C8orf34: variants seen among roughly 807,000 people sequenced by gnomAD.
The protein encoded by C8orf34 is uncharacterized protein C8orf34.
A neutral mutation model predicts 68.3 loss-of-function variants in C8orf34; 65 were observed. That is an observed-to-expected ratio of 0.95 (90% CI 0.78 to 1.17). The LOEUF (loss-of-function observed/expected upper bound fraction) is 1.17, where lower values mean the gene tolerates loss of function less well. C8orf34 is among the 50% of genes most tolerant of loss of function. C8orf34 has a pLI of 0.00. For missense variants in C8orf34, 664 were observed against 655.4 expected, an observed-to-expected ratio of 1.01 and a Z score of -0.14; for synonymous variants, 244 against 241.2, an observed-to-expected ratio of 1.01 and a Z score of -0.11.
intron 7 of C8orf34, among the ~76,000 whole-genome samples, chr8:68,562,664 T>C (rs1170464554): frequency 6.6e-6 from 1 of 152,192 alleles, no homozygotes; most frequent in Non-Finnish European, 1.5e-5. Context: ...AAAGGACTTA[T>C]TGCATGAAGG....
intron 10 of C8orf34, among the ~76,000 whole-genome samples, chr8:68,743,717 T>A (rs56662213): frequency 0.1 from 15,759 of 152,250 alleles, 899 homozygotes; most frequent in East Asian, 0.22. Context: ...AACCCGCACC[T>A]GGCTCGGAGG....
intron 1 of C8orf34, among the ~76,000 whole-genome samples, chr8:68,346,749 T>G (rs1806301437): frequency 6.6e-6 from 1 of 152,142 alleles, no homozygotes; most frequent in Non-Finnish European, 1.5e-5. Context: ...CAGTTAAGGT[T>G]CCTCCATGTC....
At chr8:68,544,304 A>G (rs1019241949) in intron 7 of C8orf34, among the ~76,000 whole-genome samples, 2 of 152,178 alleles carry the variant, frequency 1.3e-5, no homozygotes, top group Non-Finnish European at 2.9e-5. Flanking sequence ...AGCAAGAAAG[A>G]ATAAATCTCC....
intron 10 of C8orf34, among the ~76,000 whole-genome samples, chr8:68,758,553 A>G (rs1822934047): frequency 6.6e-6 from 1 of 152,150 alleles, no homozygotes; most frequent in Non-Finnish European, 1.5e-5. Flanking sequence ...ATCAGGGAGT[A>G]TAGTCCCATC....
At chr8:68,597,627 G>A (rs1369048316) in intron 7 of C8orf34, among the ~76,000 whole-genome samples, 2 of 151,758 alleles carry the variant, frequency 1.3e-5, no homozygotes, top group East Asian at 3.9e-4. Flanking sequence ...ATTTAAGTGG[G>A]TTATTTCCCT....
At chr8:68,798,118 C>G (rs1032436655) in intron 12 of C8orf34, among the ~76,000 whole-genome samples, 8 of 150,422 alleles carry the variant, frequency 5.3e-5, no homozygotes, top group African/African-American at 2.0e-4. Flanking sequence ...ATAATTTTTC[C>G]TTTTTAAAAA....
chr8:68,571,053 G>C (rs563965231), intron 7 of C8orf34, among the ~76,000 whole-genome samples: 29 of 152,194 alleles, frequency 1.9e-4, no homozygotes, highest in African/African-American at 6.0e-4. Context: ...GAAATCACTG[G>C]GAAATGGCAC....
chr8:68,764,821 C>T (rs1315269431), intron 10 of C8orf34, among the ~76,000 whole-genome samples: 4 of 152,132 alleles, frequency 2.6e-5, no homozygotes, highest in Non-Finnish European at 4.4e-5. Flanking sequence ...TCAACAATTT[C>T]GCAAAGTGTT....
In C8orf34 at chr8:68,636,314, G is replaced by A. The variant is rs150988557; in HGVS notation, c.1106-4062G>A. 5.0e-3 allele frequency among the ~76,000 whole-genome samples: 766 copies of A among 151,988 alleles called. 4 individuals carry two copies. Among genetic ancestry groups the A allele is most frequent in the Non-Finnish European group, 8.7e-3 (590 of 67,980 alleles). On this transcript the variant is annotated intron_variant, in intron 7 of 13. Transcript: ENST00000518698. ...GATCTGGGCAGGTGCAGTGGCTCAC[G>A]CCTATAATCCCAGAACTTTGTGAGG...
At chr8:68,353,423 T>C (rs1169668805) in intron 1 of C8orf34, among the ~76,000 whole-genome samples, 6 of 151,754 alleles carry the variant, frequency 4.0e-5, no homozygotes, top group African/African-American at 2.4e-5. Context: ...GAGTGATGCA[T>C]AGATGATTGT....
intron 1 of C8orf34, among the ~76,000 whole-genome samples, chr8:68,415,339 G>A (rs1344853658): frequency 6.6e-6 from 1 of 152,162 alleles, no homozygotes; most frequent in African/African-American, 2.4e-5. Context: ...AATTAGCTGG[G>A]TGTGGCGGTA....
At chr8:68,425,666 T>C (rs902588137) in intron 1 of C8orf34, among the ~76,000 whole-genome samples, 7 of 150,366 alleles carry the variant, frequency 4.7e-5, no homozygotes, top group African/African-American at 1.7e-4. Flanking sequence ...TTTGTAGACA[T>C]AGTCAAACTT....
At chr8:68,666,330 C>T (rs920369404) in intron 8 of C8orf34, among the ~76,000 whole-genome samples, 4 of 152,066 alleles carry the variant, frequency 2.6e-5, no homozygotes, top group African/African-American at 9.7e-5. Context: ...AAGAAAGTAC[C>T]CCATGTCTTT....
intron 8 of C8orf34, among the ~76,000 whole-genome samples, chr8:68,646,560 T>C (rs1819178927): frequency 1.3e-5 from 2 of 152,146 alleles, no homozygotes; most frequent in Non-Finnish European, 1.5e-5. Context: ...CACTGAAACA[T>C]ATGTATTCCT....
chr8:68,520,070 T>A (rs189789859), intron 5 of C8orf34, among the ~76,000 whole-genome samples: 468 of 152,324 alleles, frequency 3.1e-3, no homozygotes, highest in Non-Finnish European at 5.3e-3. Context: ...TTCATTTGAT[T>A]GCATTATTTT....
At chr8:68,354,624 C>A (rs1029584849) in intron 1 of C8orf34, among the ~76,000 whole-genome samples, 14 of 152,120 alleles carry the variant, frequency 9.2e-5, no homozygotes, top group African/African-American at 3.4e-4. Context: ...TATGACTGAT[C>A]TAAGTAGGGC....
intron 7 of C8orf34, among the ~76,000 whole-genome samples, chr8:68,595,712 C>T (rs1313176867): frequency 2.6e-5 from 4 of 152,048 alleles, no homozygotes. Context: ...ATCTATCATA[C>T]AGAAATTAAT....
At position 68,636,672 on chromosome 8, in the gene C8orf34, G is replaced by C. The variant is rs1286970980; in HGVS notation, c.1106-3704G>C. Among the ~76,000 whole-genome samples the C allele has an allele frequency of 2.0e-5, 3 of 152,218 alleles. No homozygotes were observed. In the East Asian group the frequency reaches 5.8e-4, roughly 29 times the overall value. On this transcript the variant is annotated intron_variant, in intron 7 of 13. Transcript: ENST00000518698. Reference sequence around the variant, plus strand: ...TTTGCCAAAAGGATGTTAGTCAAAAGGTAAGGTGAGAGATCCCGAGCTTCA... The same window carrying C: ...TTTGCCAAAAGGATGTTAGTCAAAACGTAAGGTGAGAGATCCCGAGCTTCA...
rs543231740 is a variant in C8orf34, at chr8:68,589,486, GAAGA to G, written c.1106-50881_1106-50878del. Among the ~76,000 whole-genome samples the G allele has an allele frequency of 5.1e-3, 740 of 146,098 alleles. 10 individuals carry two copies. Among genetic ancestry groups the G allele is most frequent in the African/African-American group, 0.017 (685 of 39,526 alleles). ...AAGAAAGAAGAAAGAGGAAAAGAAAGAAGAAAGAAAGAGAGAGAACGAGAGAGAG... is the reference window on the plus strand; with the variant it reads ...AAGAAAGAAGAAAGAGGAAAAGAAAGAAGAAAGAGAGAGAACGAGAGAGAG... On this transcript the variant is annotated intron_variant, in intron 7 of 13. Coordinates refer to ENST00000518698, the MANE Select transcript of C8orf34 (RefSeq NM_052958.4).
Sources: allele counts gnomAD v4.1 joint callset (sites outside exome capture counted in the v4.1 genomes callset), GRCh38; gene constraint gnomAD v4.1.1; transcripts MANE v1.5; gene names NCBI Gene and HGNC (gene_info 2026-07-23, HGNC 2026-07-21).